Variants in ACO2 observed in about 807,000 individuals in gnomAD.
ACO2 encodes aconitate hydratase, mitochondrial.
In ACO2, 31 loss-of-function variants were observed where a neutral mutation model predicts 84.5. The ratio of observed to expected loss-of-function variants is 0.37; its 90% confidence interval spans 0.28 to 0.50. ACO2 has a LOEUF of 0.50. Among genes scored for constraint, ACO2 ranks in the 20% least tolerant of loss-of-function variants. The pLI, the probability that ACO2 is intolerant of heterozygous loss-of-function variation, is 0.97. For missense variants in ACO2, 685 were observed against 1,029.3 expected, an observed-to-expected ratio of 0.67 and a Z score of 4.58; for synonymous variants, 414 against 412.7, an observed-to-expected ratio of 1.00 and a Z score of -0.04.
chr22:41,526,151 CCT>C (rs2066590383), intron 14 of ACO2, 109 bp from the exon 15 acceptor site: 18 of 927,856 alleles, frequency 1.9e-5, no homozygotes, highest in African/African-American at 3.3e-5. Flanking sequence ...GCCTCTCACC[CCT>C]CTGTCACCCC....
intron 1 of ACO2, among the ~76,000 whole-genome samples, chr22:41,489,718 G>A (rs188539115): frequency 9.6e-4 from 146 of 152,018 alleles, no homozygotes; most frequent in African/African-American, 3.3e-3. Flanking sequence ...AGGAGGCACC[G>A]GTGTCGGGTG....
At chr22:41,527,030 A>G (rs2146147952) in intron 15 of ACO2, 1 of 563,586 alleles carries the variant, frequency 1.8e-6, no homozygotes, top group South Asian at 2.1e-5. Flanking sequence ...GCCTCTGCCA[A>G]GCACCAATGG....
At chr22:41,508,619 C>A (rs1035687476) in intron 3 of ACO2, among the ~76,000 whole-genome samples, 2 of 152,212 alleles carry the variant, frequency 1.3e-5, no homozygotes, top group African/African-American at 4.8e-5. Flanking sequence ...GGGGGCCATT[C>A]TTCTGTGAGT....
chr22:41,470,582 A>T (rs2037934654), intron 1 of ACO2, among the ~76,000 whole-genome samples: 1 of 128,144 alleles, frequency 7.8e-6, no homozygotes, highest in Non-Finnish European at 1.6e-5. Flanking sequence ...TTGCTCTGTC[A>T]CCCAGGCTGG....
At chr22:41,472,512 A>T (rs922447105) in intron 1 of ACO2, among the ~76,000 whole-genome samples, 1 of 152,192 alleles carries the variant, frequency 6.6e-6, no homozygotes, top group African/African-American at 2.4e-5. Flanking sequence ...GGGCACCATA[A>T]CCTCAGAACA....
chr22:41,484,789 T>G (rs2038131790), intron 1 of ACO2, among the ~76,000 whole-genome samples: 1 of 152,114 alleles, frequency 6.6e-6, no homozygotes, highest in Admixed American at 6.6e-5. Context: ...GATATTATTC[T>G]TTTTTTCCAA....
chr22:41,495,403 C>G (rs1405112984), intron 1 of ACO2, among the ~76,000 whole-genome samples: 1 of 152,118 alleles, frequency 6.6e-6, no homozygotes, highest in African/African-American at 2.4e-5. Context: ...AGCAATCTTC[C>G]TGTGTCCGAA....
At chr22:41,516,474 T>G (rs2066476858) in intron 6 of ACO2, among the ~76,000 whole-genome samples, 1 of 152,144 alleles carries the variant, frequency 6.6e-6, no homozygotes, top group African/African-American at 2.4e-5. Context: ...CCAGGGAGAT[T>G]TGTAACAGTC....
intron 3 of ACO2, among the ~76,000 whole-genome samples, chr22:41,508,765 G>A (rs536695252): frequency 9.2e-5 from 14 of 152,300 alleles, no homozygotes; most frequent in African/African-American, 3.4e-4. Flanking sequence ...TGGCAACAGC[G>A]GGCCTCTCTC....
Position 41,515,304 on chromosome 22 carries a change from C to G in ACO2, c.526-73C>G, listed in dbSNP as rs1050268056. On this transcript the variant is annotated intron_variant, in intron 4 of 17. Transcript: ENST00000216254. This position sits in a 1 kb window ranked among gnomAD's most constrained non-coding sequence, Gnocchi z 5.8. ...GTGGCTGGACGTGGTTGGGAGGCCC[C>G]GGGTCAGTGGGGCCATTTTTTGGTA... is the stretch of plus-strand genomic sequence containing the variant. The G allele has an allele frequency of 5.0e-6, 8 of 1,584,728 alleles. No homozygotes were observed. The highest frequency in any genetic ancestry group is 6.1e-6 in the Non-Finnish European group (7 of 1,157,016).
intron 17 of ACO2, 112 bp downstream of exon 17, chr22:41,528,134 A>G: frequency 6.7e-7 from 1 of 1,498,248 alleles, no homozygotes; most frequent in South Asian, 1.2e-5. Flanking sequence ...CCAGCTGGAA[A>G]GGCCCCCAGT....
chr22:41,499,715 T>A lies in ACO2; in HGVS notation c.37-11T>A, dbSNP rs1348007647. 6.2e-7 allele frequency: 1 copy of A among 1,610,516 alleles called. No homozygotes were observed. Among genetic ancestry groups the A allele is most frequent in the Non-Finnish European group, 8.5e-7 (1 of 1,179,598 alleles). ...CTCCATTGACAGTGGCTGTCATGTT[T>A]CTTCTTGCAGAAAGCTCTGGGTGTG... On this transcript the variant is annotated splice_polypyrimidine_tract_variant and intron_variant, in intron 1 of 17. Transcript: ENST00000216254.
At chr22:41,527,486 C>T (rs1601936993) in intron 16 of ACO2, 66 bp downstream of exon 16, 1 of 1,544,898 alleles carries the variant, frequency 6.5e-7, no homozygotes, top group Non-Finnish European at 8.7e-7. Context: ...ACTCTCCCTG[C>T]CCGTGGCTGA....
chr22:41,495,792 G>A (rs1035854852), intron 1 of ACO2, among the ~76,000 whole-genome samples: 3 of 150,802 alleles, frequency 2.0e-5, no homozygotes, highest in East Asian at 2.0e-4. Flanking sequence ...TAGTAGAGAC[G>A]GGGTTTCACC....
intron 1 of ACO2, among the ~76,000 whole-genome samples, chr22:41,494,292 C>T (rs890716734): frequency 6.6e-6 from 1 of 152,094 alleles, no homozygotes; most frequent in African/African-American, 2.4e-5. Context: ...TCATAGGAGC[C>T]GCTTCACTGG....
At chr22:41,524,489 C>T (rs1323536371) in intron 12 of ACO2, among the ~76,000 whole-genome samples, 1 of 152,230 alleles carries the variant, frequency 6.6e-6, no homozygotes, top group Non-Finnish European at 1.5e-5. Context: ...AGGAATGGCT[C>T]CTTCCATGTT....
In ACO2 at chr22:41,484,556, A is replaced by G. The variant is rs549561438; in HGVS notation, c.37-15170A>G. Among the ~76,000 whole-genome samples, 10 of 151,986 alleles carry G rather than the reference A, an allele frequency of 6.6e-5. No individual in the cohort carries two copies. In the South Asian group the frequency reaches 1.9e-3, roughly 28 times the overall value. On this transcript the variant is annotated intron_variant, in intron 1 of 17. Coordinates refer to ENST00000216254, the MANE Select transcript of ACO2 (RefSeq NM_001098.3). ...GAAAAATTCTGGTAATTTTTTTTTT[A>G]AATAGAGACTAGGTCTCACTATGTT...
intron 1 of ACO2, among the ~76,000 whole-genome samples, chr22:41,470,523 T>C (rs2037932300): frequency 6.9e-6 from 1 of 145,124 alleles, no homozygotes; most frequent in Non-Finnish European, 1.5e-5. Context: ...ATTATCTCTT[T>C]ACATCTTTTT....
At chr22:41,507,001 G>T (rs973606319) in intron 2 of ACO2, among the ~76,000 whole-genome samples, 1 of 151,996 alleles carries the variant, frequency 6.6e-6, no homozygotes, top group Non-Finnish European at 1.5e-5. Context: ...GGAGGCTTGT[G>T]GGGAGAAGAC....
Sources: allele counts gnomAD v4.1 joint callset (sites outside exome capture counted in the v4.1 genomes callset), GRCh38; gene constraint gnomAD v4.1.1; non-coding constraint Gnocchi (gnomAD v3.1); transcripts MANE v1.5; gene names NCBI Gene and HGNC (gene_info 2026-07-23, HGNC 2026-07-21).